The following CMTM8 variants were observed in gnomAD, a reference collection of about 807,000 sequenced individuals.
CMTM8 encodes the protein CKLF like MARVEL transmembrane domain containing 8.
A neutral mutation model predicts 18.6 loss-of-function variants in CMTM8; 12 were observed. The ratio of observed to expected loss-of-function variants is 0.65; its 90% CI spans 0.41 to 1.05. The LOEUF (loss-of-function observed/expected upper bound fraction) is 1.05, where lower values mean the gene tolerates loss of function less well. Ranked by LOEUF, CMTM8 falls within the 50% of genes least tolerant of loss-of-function variation. The probability of loss-of-function intolerance (pLI) is 0.00; values close to 1 mark genes in which losing one functional copy is unlikely to be tolerated. For missense variants in CMTM8, 217 were observed against 227.2 expected, an observed-to-expected ratio of 0.95 and a Z score of 0.29; for synonymous variants, 87 against 90.6, an observed-to-expected ratio of 0.96 and a Z score of 0.23.
At chr3:32,294,819 C>T (rs778398068) in intron 1 of CMTM8, among the ~76,000 whole-genome samples, 25 of 152,230 alleles carry the variant, frequency 1.6e-4, no homozygotes, top group Admixed American at 3.9e-4. Flanking sequence ...CTTTGGGAGG[C>T]CGAGGCGAGC....
intron 1 of CMTM8, among the ~76,000 whole-genome samples, chr3:32,255,450 C>T (rs1215610305): frequency 6.6e-6 from 1 of 152,174 alleles, no homozygotes; most frequent in African/African-American, 2.4e-5. Flanking sequence ...GATTCCCACC[C>T]ATATTACTGA....
chr3:32,302,020 CT>C lies in CMTM8; in HGVS notation c.148-55341del, dbSNP rs986285726. On this transcript the variant is annotated intron_variant, in intron 1 of 3. Coordinates refer to ENST00000307526, the MANE Select transcript of CMTM8 (RefSeq NM_178868.5). ...ATTAAGAGTGATCACTGATTGCTGA[CT>C]TTTTTTTTTTTCTTAATAAGAATAG... 9.4e-4 allele frequency among the ~76,000 whole-genome samples: 136 copies of C among 144,678 alleles called. 1 individual carries two copies. Among genetic ancestry groups the C allele is most frequent in the Admixed American group, 4.0e-3 (58 of 14,342 alleles). The allele number at this position is 144,678 out of a possible 152,430, so 94.9% of individuals were successfully genotyped here.
intron 2 of CMTM8, among the ~76,000 whole-genome samples, chr3:32,364,297 G>A (rs906122613): frequency 3.9e-5 from 6 of 152,210 alleles, no homozygotes; most frequent in African/African-American, 1.4e-4. Flanking sequence ...GAAGTCAGGA[G>A]ATCGAGACCA....
intron 1 of CMTM8, among the ~76,000 whole-genome samples, chr3:32,289,522 C>G (rs539592504): frequency 6.6e-6 from 1 of 152,218 alleles, no homozygotes; most frequent in East Asian, 1.9e-4. Flanking sequence ...AGAGATCCTT[C>G]CAGGCTAGGA....
intron 1 of CMTM8, among the ~76,000 whole-genome samples, chr3:32,332,938 T>C (rs1332952018): frequency 6.6e-6 from 1 of 152,202 alleles, no homozygotes; most frequent in African/African-American, 2.4e-5. Flanking sequence ...ATGTGTTTGA[T>C]GTATATGCTG....
intron 2 of CMTM8, among the ~76,000 whole-genome samples, chr3:32,361,286 G>GTTTGTTTTTTT (rs140270969): frequency 1.3e-4 from 11 of 87,220 alleles, no homozygotes; most frequent in Non-Finnish European, 1.7e-4. Context: ...CAGCCTAAGA[G>GTTTGTTTTTTT]TTTTTTTTTC....
At chr3:32,252,983 AT>A (rs1702133455) in intron 1 of CMTM8, among the ~76,000 whole-genome samples, 2 of 152,198 alleles carry the variant, frequency 1.3e-5, no homozygotes, top group African/African-American at 2.4e-5. Flanking sequence ...AGCAGTATGA[AT>A]GGGAATGGAC....
At chr3:32,353,784 A>ATTTTTTT (rs10648596) in intron 1 of CMTM8, among the ~76,000 whole-genome samples, 1 of 134,068 alleles carries the variant, frequency 7.5e-6, no homozygotes, top group African/African-American at 2.7e-5. Context: ...TTCTGTGTTA[A>ATTTTTTT]TTTTTTTTTT....
At chr3:32,301,539 G>A (rs1453531302) in intron 1 of CMTM8, among the ~76,000 whole-genome samples, 2 of 152,042 alleles carry the variant, frequency 1.3e-5, no homozygotes, top group Non-Finnish European at 2.9e-5. Flanking sequence ...GTGGTCAAGG[G>A]AGAGTGGTGG....
At chr3:32,253,974 A>G (rs574769495) in intron 1 of CMTM8, among the ~76,000 whole-genome samples, 1 of 150,726 alleles carries the variant, frequency 6.6e-6, no homozygotes, top group South Asian at 2.1e-4. Flanking sequence ...GCTCACTGCA[A>G]CCTCTGCCTC....
intron 1 of CMTM8, among the ~76,000 whole-genome samples, chr3:32,284,734 G>A (rs1054798591): frequency 5.3e-5 from 8 of 152,206 alleles, no homozygotes; most frequent in African/African-American, 1.7e-4. Flanking sequence ...CTGTATAAAT[G>A]AATGGCTTTA....
intron 1 of CMTM8, among the ~76,000 whole-genome samples, chr3:32,301,597 T>C (rs2125563380): frequency 6.6e-6 from 1 of 152,192 alleles, no homozygotes; most frequent in Non-Finnish European, 1.5e-5. Flanking sequence ...GTCCTCTGTC[T>C]ACCTGGACTT....
chr3:32,305,295 ATCTCT>A (rs558444068), intron 1 of CMTM8, among the ~76,000 whole-genome samples: 23 of 141,676 alleles, frequency 1.6e-4, no homozygotes, highest in African/African-American at 6.1e-4. Context: ...CAGTGGCGTG[ATCTCT>A]GCTCACTGCA....
chr3:32,357,625 C>T (rs1696842264), intron 2 of CMTM8, 79 bp downstream of exon 2: 2 of 1,401,266 alleles, frequency 1.4e-6, no homozygotes, highest in Admixed American at 1.9e-5. Context: ...CAATCCAAGA[C>T]TGTCTCTCTG....
chr3:32,266,503 C>A (rs568780183), intron 1 of CMTM8, among the ~76,000 whole-genome samples: 241 of 152,274 alleles, frequency 1.6e-3, no homozygotes, highest in African/African-American at 5.4e-3. Context: ...TATCATACTG[C>A]ATGGGCAAAA....
At chr3:32,289,330 G>A (rs564184737) in intron 1 of CMTM8, among the ~76,000 whole-genome samples, 4 of 152,216 alleles carry the variant, frequency 2.6e-5, no homozygotes, top group South Asian at 2.1e-4. Flanking sequence ...CTGTCTTTTG[G>A]GCCTCAAGTT....
chr3:32,271,119 A>G (rs1337247076), intron 1 of CMTM8, among the ~76,000 whole-genome samples: 1 of 152,004 alleles, frequency 6.6e-6, no homozygotes, highest in Non-Finnish European at 1.5e-5. Context: ...GGTAACCACT[A>G]TCCTGTTTTT....
At chr3:32,292,311 C>T (rs77359835) in intron 1 of CMTM8, among the ~76,000 whole-genome samples, 4,817 of 152,238 alleles carry the variant, frequency 0.032, 168 homozygotes, top group Admixed American at 0.12. Context: ...GAGCTCCTCT[C>T]GTATAGATGC....
intron 1 of CMTM8, among the ~76,000 whole-genome samples, chr3:32,328,318 T>C (rs1322534669): frequency 7.3e-6 from 1 of 136,728 alleles, no homozygotes; most frequent in East Asian, 2.1e-4. Flanking sequence ...TGGAGTGAGC[T>C]GAGATCACAC....
Sources: allele counts gnomAD v4.1 joint callset (sites outside exome capture counted in the v4.1 genomes callset), GRCh38; gene constraint gnomAD v4.1.1; transcripts MANE v1.5; gene names NCBI Gene and HGNC (gene_info 2026-07-23, HGNC 2026-07-21).